The following BANP variants were observed in gnomAD, a reference collection of about 807,000 sequenced individuals.
BANP encodes the protein protein BANP.
BANP carries 11 observed loss-of-function variants against 68.1 expected under a neutral mutation model. The observed-to-expected ratio is 0.16, with a 90% CI of 0.10 to 0.27. BANP has a LOEUF of 0.27. Ranked by LOEUF, BANP falls within the 10% of genes least tolerant of loss-of-function variation. BANP has a pLI of 1.00. For missense variants in BANP, 504 were observed against 722.7 expected (o/e 0.70, Z 3.47); for synonymous variants, 329 against 303.2 (o/e 1.09, Z -0.88).
chr16:87,998,651 CCCAG>C (rs2068010302), intron 4 of BANP, among the ~76,000 whole-genome samples: 1 of 145,790 alleles, frequency 6.9e-6, no homozygotes, highest in Non-Finnish European at 1.5e-5. Flanking sequence ...CTTCCAGACA[CCCAG>C]ACACATCTCC....
At chr16:87,993,552 C>T (rs1218435428) in intron 4 of BANP, among the ~76,000 whole-genome samples, 2 of 152,142 alleles carry the variant, frequency 1.3e-5, no homozygotes, top group African/African-American at 4.8e-5. Context: ...TTGACATTCC[C>T]TCCATTCCCT....
intron 11 of BANP, among the ~76,000 whole-genome samples, chr16:88,042,944 G>A (rs1478369893): frequency 6.6e-6 from 1 of 152,192 alleles, no homozygotes; most frequent in African/African-American, 2.4e-5. Context: ...CAATTCAATG[G>A]TTTTTCAAAA....
chr16:88,025,388 G>A (rs1325378713), intron 7 of BANP, among the ~76,000 whole-genome samples: 4 of 152,328 alleles, frequency 2.6e-5, no homozygotes, highest in South Asian at 2.1e-4. Context: ...TTCCTGAGGC[G>A]CCCGAGTCAC....
intron 4 of BANP, among the ~76,000 whole-genome samples, chr16:87,984,552 C>T (rs1321837960): frequency 6.6e-6 from 1 of 152,240 alleles, no homozygotes; most frequent in African/African-American, 2.4e-5. Context: ...ACATGTGCTT[C>T]TTTCCTTTTT....
At chr16:87,992,653 G>T (rs2066146498) in intron 4 of BANP, among the ~76,000 whole-genome samples, 1 of 152,058 alleles carries the variant, frequency 6.6e-6, no homozygotes, top group Non-Finnish European at 1.5e-5. Flanking sequence ...AATTAGCCAG[G>T]TGTGGTAGCG....
upstream of BANP, chr16:87,949,578 C>T (rs2144161936): frequency 6.6e-6 from 1 of 152,376 alleles, no homozygotes. Context: ...TTTCTAATCT[C>T]TTTGGAGCTG....
intron 11 of BANP, among the ~76,000 whole-genome samples, chr16:88,053,538 A>C (rs2083929261): frequency 7.9e-6 from 1 of 126,408 alleles, no homozygotes. Flanking sequence ...CAACCACCTT[A>C]ACAAACACTA....
chr16:87,952,390 T>G (rs1479316777), intron 1 of BANP: 2 of 152,184 alleles, frequency 1.3e-5, no homozygotes, highest in African/African-American at 4.8e-5. Flanking sequence ...AGGGCCCGGG[T>G]CACACAGTTG....
chr16:88,070,417 G>A (rs933000291), intron 12 of BANP, among the ~76,000 whole-genome samples: 1 of 152,130 alleles, frequency 6.6e-6, no homozygotes, highest in Non-Finnish European at 1.5e-5. Flanking sequence ...ATCTGACTCT[G>A]GCCATATTCC....
chr16:88,026,688 A>G (rs2077064112), intron 7 of BANP, among the ~76,000 whole-genome samples: 1 of 151,334 alleles, frequency 6.6e-6, no homozygotes, highest in African/African-American at 2.4e-5. Flanking sequence ...CATAACTTGA[A>G]TTCTCCAAAC....
chr16:87,990,902 A>G (rs1340250953), intron 4 of BANP, among the ~76,000 whole-genome samples: 1 of 152,164 alleles, frequency 6.6e-6, no homozygotes, highest in Non-Finnish European at 1.5e-5. Flanking sequence ...AGCTGGGACT[A>G]CAGGCGCCCG....
chr16:88,051,287 A>G (rs2083214406), intron 11 of BANP, among the ~76,000 whole-genome samples: 1 of 152,228 alleles, frequency 6.6e-6, no homozygotes, highest in Non-Finnish European at 1.5e-5. Context: ...AGAATCTTGA[A>G]TGTGAAAAGA....
At chr16:88,032,840 A>G (rs2078489997) in intron 8 of BANP, among the ~76,000 whole-genome samples, 1 of 152,262 alleles carries the variant, frequency 6.6e-6, no homozygotes, top group South Asian at 2.1e-4. Flanking sequence ...ATTCATTTAA[A>G]TAAGTTGGGG....
intron 4 of BANP, among the ~76,000 whole-genome samples, chr16:87,985,239 C>G (rs1363191472): frequency 1.3e-5 from 2 of 152,222 alleles, no homozygotes; most frequent in African/African-American, 2.4e-5. Context: ...TCTTTGAACT[C>G]TCGGGCATGC....
chr16:87,981,097 A>G lies in BANP; in HGVS notation c.132A>G (p.Leu44=). 2 of 1,614,160 alleles carry G rather than the reference A, an allele frequency of 1.2e-6. No homozygotes were observed. Among genetic ancestry groups the G allele is most frequent in the East Asian group, 2.2e-5 (1 of 44,890 alleles). Reference sequence around the variant, plus strand: ...AACCTGCTTTGAAACGCCAGCGACTAGAAATCAATTGCCAGGATCCATCTA... The same window carrying G: ...AACCTGCTTTGAAACGCCAGCGACTGGAAATCAATTGCCAGGATCCATCTA... ...EDEPALKRQR[L]EINCQDPSIK... Residue 44 remains leucine (L), a synonymous_variant, in exon 3 of 14, where the codon CTA becomes CTG. Transcript: ENST00000682872.
Position 87,955,225 on chromosome 16 carries a change from G to C in BANP, c.-69+3710G>C, listed in dbSNP as rs113229093. ...CTGGGAGGTTGTGTGTAGTGCGGTG[G>C]GCTCTGTCTGCCAGAGCCTTGCCAG... On this transcript the variant is annotated intron_variant, in intron 1 of 13. Coordinates refer to ENST00000682872, the MANE Select transcript of BANP (RefSeq NM_001386991.1). 4.3e-3 allele frequency among the ~76,000 whole-genome samples: 652 copies of C among 151,418 alleles called. 5 individuals carry two copies. The highest frequency in any genetic ancestry group is 0.014 in the African/African-American group (588 of 41,232).
intron 11 of BANP, among the ~76,000 whole-genome samples, chr16:88,053,617 A>C (rs2083975671): frequency 1.4e-5 from 2 of 139,758 alleles, no homozygotes; most frequent in African/African-American, 2.8e-5. Context: ...AACGACTACC[A>C]CCCCCACCTC....
Position 88,004,964 on chromosome 16 carries a change from C to T in BANP, c.479+553C>T, listed in dbSNP as rs1413965542. 6.6e-6 allele frequency among the ~76,000 whole-genome samples: 1 copy of T among 152,126 alleles called. No homozygotes were observed. The highest frequency in any genetic ancestry group is 1.5e-5 in the Non-Finnish European group (1 of 68,026). ...GGCTGGCATCCAAGCCCTGCTGTCC[C>T]CAGGAGTGCCCCTGGGGCTGCGTGA... On this transcript the variant is annotated intron_variant, in intron 5 of 13. Transcript: ENST00000682872. This position sits in a 1 kb window ranked among gnomAD's most constrained non-coding sequence, Gnocchi z 7.0.
intron 11 of BANP, among the ~76,000 whole-genome samples, chr16:88,054,296 T>TCAG (rs1567888525): frequency 9.7e-6 from 1 of 102,606 alleles, no homozygotes. Context: ...ATCTCCATCA[T>TCAG]CATCACCAAC....
Sources: allele counts gnomAD v4.1 joint callset (sites outside exome capture counted in the v4.1 genomes callset), GRCh38; gene constraint gnomAD v4.1.1; non-coding constraint Gnocchi (gnomAD v3.1); transcripts MANE v1.5; gene names NCBI Gene and HGNC (gene_info 2026-07-23, HGNC 2026-07-21).